The following CTNND2 variants were observed in gnomAD, a reference collection of about 807,000 sequenced individuals.
CTNND2 encodes the protein catenin delta-2.
Under a neutral mutation model 144.4 loss-of-function variants are expected in CTNND2, and 22 were observed. The observed-to-expected ratio is 0.15, with a 90% CI of 0.11 to 0.22. The LOEUF (loss-of-function observed/expected upper bound fraction) is 0.22. CTNND2 is among the 10% of genes least tolerant of loss of function. The pLI is 1.00. For synonymous variants in CTNND2, 751 were observed against 695.6 expected (o/e 1.08, Z -1.25); for missense variants, 1,353 against 1,618.8 (o/e 0.84, Z 2.82).
chr5:11,494,991 G>T (rs1769795602), intron 3 of CTNND2, among the ~76,000 whole-genome samples: 1 of 152,062 alleles, frequency 6.6e-6, no homozygotes, highest in South Asian at 2.1e-4. Context: ...AGATATAGGA[G>T]GGGTCAACTT....
In CTNND2 at chr5:11,463,093, GCATTT is replaced by G. The variant is rs61758942; in HGVS notation, c.288-51029_288-51025del. 5.6e-3 allele frequency among the ~76,000 whole-genome samples: 847 copies of G among 152,260 alleles called. 13 individuals carry two copies. Among genetic ancestry groups the G allele is most frequent in the African/African-American group, 0.019 (803 of 41,546 alleles). ...TGACAATTTAAATCCTCCCATTTTA[GCATTT>G]CATTTCAAGTGTACTGTAATTATAT... On this transcript the variant is annotated intron_variant, in intron 3 of 21. Coordinates refer to ENST00000304623, the MANE Select transcript of CTNND2 (RefSeq NM_001332.4).
At chr5:11,662,225 G>A (rs954285618) in intron 2 of CTNND2, among the ~76,000 whole-genome samples, 5 of 135,522 alleles carry the variant, frequency 3.7e-5, no homozygotes, top group Middle Eastern at 3.8e-3. Context: ...ACATATATGT[G>A]TATATATGTA....
In CTNND2 at chr5:11,091,299, T is replaced by C. The variant is rs372826915; in HGVS notation, c.2637+7276A>G. On this transcript the variant is annotated intron_variant, in intron 15 of 21. Coordinates refer to ENST00000304623, the MANE Select transcript of CTNND2 (RefSeq NM_001332.4). ...CTGTTAATCACACCCCATGTATTTT[T>C]CATTTCAGACACTGCATTTCAGACT... Among the ~76,000 whole-genome samples the C allele has an allele frequency of 6.2e-4, 94 of 152,350 alleles. No individual in the cohort carries two copies. In the South Asian group the frequency reaches 6.6e-3, roughly 11 times the overall value.
At chr5:11,609,064 C>G (rs1187649865) in intron 2 of CTNND2, among the ~76,000 whole-genome samples, 3 of 152,160 alleles carry the variant, frequency 2.0e-5, no homozygotes, top group Non-Finnish European at 2.9e-5. Flanking sequence ...AATCTGAGCA[C>G]AGGTGTCGCT....
At chr5:11,378,191 G>C (rs1247449759) in intron 7 of CTNND2, among the ~76,000 whole-genome samples, 1 of 152,200 alleles carries the variant, frequency 6.6e-6, no homozygotes, top group Non-Finnish European at 1.5e-5. Context: ...AAATCAGCCT[G>C]TACTCCCCAA....
chr5:11,491,133 A>T (rs956418110), intron 3 of CTNND2, among the ~76,000 whole-genome samples: 1 of 152,234 alleles, frequency 6.6e-6, no homozygotes, highest in Non-Finnish European at 1.5e-5. Flanking sequence ...AGTTTTAGAA[A>T]GTCTGAAGCT....
intron 18 of CTNND2, among the ~76,000 whole-genome samples, chr5:11,012,869 G>T (rs1364289318): frequency 6.6e-6 from 1 of 152,154 alleles, no homozygotes; most frequent in African/African-American, 2.4e-5. Flanking sequence ...CGTTCATTTT[G>T]GGGTGCTATA....
Position 11,346,353 on chromosome 5 carries a change from G to T in CTNND2, c.1628+19C>A, listed in dbSNP as rs1251032411. On this transcript the variant is annotated intron_variant, in intron 9 of 21. Transcript: ENST00000304623. ...AACCTCTTTAGACATCATAGGGAAA[G>T]AAAAAGGTTTTTACCCACCTGGGAT... The T allele has an allele frequency of 7.1e-7, 1 of 1,417,340 alleles. No homozygotes were observed. Among genetic ancestry groups the T allele is most frequent in the African/African-American group, 1.5e-5 (1 of 68,106 alleles). 87.8% of individuals were successfully genotyped at this position (1,417,340 alleles called of 1,614,324 possible).
chr5:11,373,505 T>C (rs1466668721), intron 7 of CTNND2, among the ~76,000 whole-genome samples: 3 of 152,204 alleles, frequency 2.0e-5, no homozygotes, highest in African/African-American at 7.2e-5. Flanking sequence ...TAGGTAAGGA[T>C]AGCTCAGGGC....
At chr5:11,537,502 C>T (rs764663858) in intron 3 of CTNND2, among the ~76,000 whole-genome samples, 2 of 152,100 alleles carry the variant, frequency 1.3e-5, no homozygotes, top group Admixed American at 6.6e-5. Context: ...GAAAATCCAT[C>T]TCTTCTCAGG....
chr5:11,691,112 C>T (rs1010713125), intron 2 of CTNND2, among the ~76,000 whole-genome samples: 1 of 152,134 alleles, frequency 6.6e-6, no homozygotes, highest in Non-Finnish European at 1.5e-5. Context: ...TGGCTCACAC[C>T]TGTAATCCCA....
intron 3 of CTNND2, among the ~76,000 whole-genome samples, chr5:11,456,291 T>C (rs1416513128): frequency 6.6e-6 from 1 of 151,328 alleles, no homozygotes; most frequent in Non-Finnish European, 1.5e-5. Context: ...CACATATAAT[T>C]TTTTTTTCTT....
chr5:11,518,484 A>G (rs1259792967), intron 3 of CTNND2, among the ~76,000 whole-genome samples: 2 of 152,220 alleles, frequency 1.3e-5, no homozygotes, highest in Non-Finnish European at 2.9e-5. Context: ...GCGTAGCCTA[A>G]GTATCCAGTG....
chr5:10,973,797 C>T lies in CTNND2; in HGVS notation c.3418-84G>A, dbSNP rs1444887219. 5 of 1,448,390 alleles carry T rather than the reference C, an allele frequency of 3.5e-6. No homozygotes were observed. Among genetic ancestry groups the T allele is most frequent in the Admixed American group, 4.6e-5 (2 of 43,372 alleles). 89.7% of individuals were successfully genotyped at this position (1,448,390 alleles called of 1,614,324 possible). A position where few individuals can be genotyped will look rare whatever the true frequency, so the allele number is the denominator to read the frequency against. ...CTTGCCCCGGCACCCAACTCTCCTT[C>T]AAAGAATAGGCTGTGTATATCCAGG... On this transcript the variant is annotated intron_variant, in intron 21 of 21. Transcript: ENST00000304623. This position sits in a 1 kb window ranked among gnomAD's most constrained non-coding sequence, Gnocchi z 5.6.
chr5:11,205,355 AGGGAATG>A (rs1420549497), intron 10 of CTNND2, among the ~76,000 whole-genome samples: 5 of 152,194 alleles, frequency 3.3e-5, no homozygotes, highest in Non-Finnish European at 2.9e-5. Flanking sequence ...AAAGAAGATA[AGGGAATG>A]CGGTGATTTT....
At chr5:11,438,276 T>C (rs981776540) in intron 3 of CTNND2, among the ~76,000 whole-genome samples, 1 of 152,196 alleles carries the variant, frequency 6.6e-6, no homozygotes, top group Non-Finnish European at 1.5e-5. Context: ...ATTCATTCAA[T>C]CAACAAATAC....
At chr5:11,510,091 T>C (rs1771498683) in intron 3 of CTNND2, among the ~76,000 whole-genome samples, 2 of 152,094 alleles carry the variant, frequency 1.3e-5, no homozygotes, top group South Asian at 2.1e-4. Context: ...CCAGCACACT[T>C]GGCAAATTTT....
Position 11,676,192 on chromosome 5 carries a change from A to G in CTNND2, c.174+55944T>C, listed in dbSNP as rs554145046. On this transcript the variant is annotated intron_variant, in intron 2 of 21. Coordinates refer to ENST00000304623, the MANE Select transcript of CTNND2 (RefSeq NM_001332.4). ...CTAACTTTACTACCTTTTAGGTATAAAAACAGCTTTACAGAACAGCCTTCC... is the reference window on the plus strand; with the variant it reads ...CTAACTTTACTACCTTTTAGGTATAGAAACAGCTTTACAGAACAGCCTTCC... Among the ~76,000 whole-genome samples, 112 of 152,252 alleles carry G rather than the reference A, an allele frequency of 7.4e-4. 3 individuals carry two copies. In the South Asian group the frequency reaches 0.023, roughly 31 times the overall value.
At position 11,142,677 on chromosome 5, in the gene CTNND2, G is replaced by C. The variant is rs928735974; in HGVS notation, c.2159+16899C>G. Among the ~76,000 whole-genome samples, 3 of 149,138 alleles carry C rather than the reference G, an allele frequency of 2.0e-5. No homozygotes were observed. In the South Asian group the frequency reaches 6.4e-4, roughly 32 times the overall value. Reference sequence around the variant, plus strand: ...CACCCAGGCTGGAGTGCAGTGGCGCGATCTCGACTCACTGCAAGCTCCGCC... The same window carrying C: ...CACCCAGGCTGGAGTGCAGTGGCGCCATCTCGACTCACTGCAAGCTCCGCC... On this transcript the variant is annotated intron_variant, in intron 12 of 21. Coordinates refer to ENST00000304623, the MANE Select transcript of CTNND2 (RefSeq NM_001332.4).
Sources: gnomAD v4.1 joint callset for allele counts (sites outside exome capture counted in the v4.1 genomes callset) on GRCh38, gnomAD v4.1.1 for gene constraint, Gnocchi (gnomAD v3.1) non-coding constraint, MANE v1.5 for transcripts, NCBI Gene and HGNC (gene_info 2026-07-23, HGNC 2026-07-21) for gene names.